CYGB: variants seen among roughly 807,000 people sequenced by gnomAD.
The protein encoded by CYGB is histoglobin.
A neutral mutation model predicts 20.7 loss-of-function variants in CYGB; 13 were observed. The observed-to-expected ratio is 0.63, with a 90% CI of 0.41 to 1.00. The LOEUF is 1.00. Ranked by LOEUF, CYGB falls within the 50% of genes least tolerant of loss-of-function variation. The pLI, the probability that CYGB is intolerant of heterozygous loss-of-function variation, is 0.00. For missense variants in CYGB, 218 were observed against 257.2 expected (o/e 0.85, Z 1.04); for synonymous variants, 93 against 107.4 (o/e 0.87, Z 0.83).
chr17:76,531,832 A>G lies in CYGB; in HGVS notation c.144-141T>C, dbSNP rs2074848679. ...CGTCACTGTTTTCACTACCATCAGT[A>G]GACCTCAGCATAGACCCTCCTCCCT... On this transcript the variant is annotated intron_variant, in intron 1 of 3. Transcript: ENST00000293230. The surrounding 1 kb of genome is among the most constrained non-coding windows in gnomAD (Gnocchi z 7.4). The G allele has an allele frequency of 4.4e-6, 3 of 684,036 alleles. No individual in the cohort carries two copies. Among genetic ancestry groups the G allele is most frequent in the Non-Finnish European group, 4.9e-6 (2 of 409,358 alleles). The allele number at this position is 684,036 out of a possible 1,614,324, so 42.4% of individuals were successfully genotyped here. A position where few individuals can be genotyped will look rare whatever the true frequency, so the allele number is the denominator to read the frequency against.
Position 76,531,215 on chromosome 17 carries a change from C to T in CYGB, c.376-73G>A, listed in dbSNP as rs1174707339. On this transcript the variant is annotated intron_variant, in intron 2 of 3. Coordinates refer to ENST00000293230, the MANE Select transcript of CYGB (RefSeq NM_134268.5). This position sits in a 1 kb window ranked among gnomAD's most constrained non-coding sequence, Gnocchi z 7.4. ...TCCTGCAACCCCCAGGCCCCTCCGC[C>T]CCACGTGTGGCCGAGAGGATCATTC... is the stretch of plus-strand genomic sequence containing the variant. The T allele has an allele frequency of 3.7e-5, 54 of 1,479,430 alleles. No homozygotes were observed. Among genetic ancestry groups the T allele is most frequent in the Non-Finnish European group, 4.6e-5 (50 of 1,082,052 alleles). 91.6% of individuals were successfully genotyped at this position (1,479,430 alleles called of 1,614,324 possible). A position where few individuals can be genotyped will look rare whatever the true frequency, so the allele number is the denominator to read the frequency against.
chr17:76,547,738 C>CAT (rs1168455819), intron 1 of CYGB, among the ~76,000 whole-genome samples: 1 of 150,744 alleles, frequency 6.6e-6, no homozygotes, highest in African/African-American at 2.5e-5. Flanking sequence ...CACACACACA[C>CAT]ATACACAAAC....
At position 76,528,140 on chromosome 17, in the gene CYGB, A is replaced by T. The variant is rs1037285685; in HGVS notation, c.*438T>A. ...TGTGTGTATATATATATGTATATAT[A>T]TATTTATATATAGCTCGTATATAGA... On this transcript the variant is annotated 3_prime_UTR_variant, in exon 4 of 4. Transcript: ENST00000293230. The surrounding 1 kb of genome is among the most constrained non-coding windows in gnomAD (Gnocchi z 5.8). The T allele has an allele frequency of 7.8e-5, 26 of 334,034 alleles. No individual in the cohort carries two copies. The highest frequency in any genetic ancestry group is 1.2e-4 in the Non-Finnish European group (23 of 189,544). 20.7% of individuals were successfully genotyped at this position (334,034 alleles called of 1,614,324 possible).
intron 1 of CYGB, 142 bp downstream of exon 1, chr17:76,537,258 C>T: frequency 2.1e-6 from 2 of 971,480 alleles, no homozygotes; most frequent in Non-Finnish European, 2.8e-6. Flanking sequence ...CGCCCCACGC[C>T]GCCTGCTCCG....
upstream of CYGB, chr17:76,542,403 A>G (rs1598213427): frequency 1.2e-5 from 11 of 890,310 alleles, no homozygotes; most frequent in East Asian, 9.8e-5. Context: ...CTCCAGTCAC[A>G]CTGTCCTAAA....
At chr17:76,534,027 G>C (rs2074880992) in intron 1 of CYGB, among the ~76,000 whole-genome samples, 1 of 152,168 alleles carries the variant, frequency 6.6e-6, no homozygotes, top group Admixed American at 6.5e-5. Context: ...GACAGAGCAA[G>C]ACCCTGACAA....
upstream of CYGB, among the ~76,000 whole-genome samples, chr17:76,541,051 C>T (rs1329405441): frequency 6.6e-6 from 1 of 152,214 alleles, no homozygotes; most frequent in Non-Finnish European, 1.5e-5. Flanking sequence ...GTGCCATTGG[C>T]TGGGCAGACC....
Position 76,546,471 on chromosome 17 carries a change from T to TGTGTGC in CYGB, c.-53+4390_-53+4391insGCACAC, listed in dbSNP as rs753998867. On this transcript the variant is annotated intron_variant, in intron 1 of 3. Transcript: ENST00000589145. The surrounding 1 kb of genome is among the most constrained non-coding windows in gnomAD (Gnocchi z 4.5). ...TGGTTTGTGTGTGTGTGTGTGTGTG[T>TGTGTGC]GCGCGCAGTCCTGGGCAAGGGCAAA... 4 of 151,082 alleles carry TGTGTGC rather than the reference T, an allele frequency of 2.6e-5. No individual in the cohort carries two copies. Among genetic ancestry groups the TGTGTGC allele is most frequent in the African/African-American group, 9.9e-5 (4 of 40,428 alleles). The allele number at this position is 151,082 out of a possible 1,614,324, so 9.4% of individuals were successfully genotyped here. A position where few individuals can be genotyped will look rare whatever the true frequency, so the allele number is the denominator to read the frequency against.
At position 76,546,771 on chromosome 17, in the gene CYGB, G is replaced by C. The variant is rs1480185659; in HGVS notation, c.-53+4091C>G. On this transcript the variant is annotated intron_variant, in intron 1 of 3. Transcript: ENST00000589145. This position sits in a 1 kb window ranked among gnomAD's most constrained non-coding sequence, Gnocchi z 4.5. ...TAATAACCACTAACATGCATTGGGC[G>C]CTTACTATGTGCTAGGCACTGTGCC... The C allele has an allele frequency of 6.6e-6, 1 of 152,228 alleles. No individual in the cohort carries two copies. The highest frequency in any genetic ancestry group is 1.5e-5 in the Non-Finnish European group (1 of 68,038). The allele number at this position is 152,228 out of a possible 1,614,324, so 9.4% of individuals were successfully genotyped here. A position where few individuals can be genotyped will look rare whatever the true frequency, so the allele number is the denominator to read the frequency against.
intron 3 of CYGB, chr17:76,529,006 G>T: frequency 1.0e-6 from 1 of 996,826 alleles, no homozygotes; most frequent in Non-Finnish European, 1.2e-6. Flanking sequence ...CTGTATTCTC[G>T]TATTCTCGGT....
In CYGB at chr17:76,528,890, G is replaced by GT; in HGVS notation, c.540-280dup. ...TGTGACATAAACTGGGTAAAAAAGT[G>GT]TTTCACAAACTGCAAAGCACGATAC... is the stretch of plus-strand genomic sequence containing the variant. On this transcript the variant is annotated intron_variant, in intron 3 of 3. Coordinates refer to ENST00000293230, the MANE Select transcript of CYGB (RefSeq NM_134268.5). This position sits in a 1 kb window ranked among gnomAD's most constrained non-coding sequence, Gnocchi z 5.8. The GT allele has an allele frequency of 8.3e-7, 1 of 1,210,548 alleles. No homozygotes were observed. The highest frequency in any genetic ancestry group is 4.3e-5 in the South Asian group (1 of 23,318). 75.0% of individuals were successfully genotyped at this position (1,210,548 alleles called of 1,614,324 possible).
chr17:76,544,309 G>A (rs1312494464), intron 1 of CYGB: 2 of 454,454 alleles, frequency 4.4e-6, no homozygotes, highest in South Asian at 1.6e-5. Context: ...GTAGAAGATG[G>A]AGTTCTCTAG....
chr17:76,538,165 G>T (rs1240873552), upstream of CYGB: 1 of 158,144 alleles, frequency 6.3e-6, no homozygotes, highest in Admixed American at 6.5e-5. Context: ...CGGCGAGGCC[G>T]ACCGCCAGCC....
chr17:76,534,508 C>T (rs573871522), intron 1 of CYGB, among the ~76,000 whole-genome samples: 12 of 152,258 alleles, frequency 7.9e-5, no homozygotes, highest in Non-Finnish European at 1.5e-4. Context: ...CACAGCTAAG[C>T]GGGTATTACC....
chr17:76,547,825 CACACACA>C (rs1250298502), intron 1 of CYGB, among the ~76,000 whole-genome samples: 1 of 140,524 alleles, frequency 7.1e-6, no homozygotes, highest in Non-Finnish European at 1.5e-5. Flanking sequence ...TTCACACACA[CACACACA>C]ACACACATTC....
In CYGB at chr17:76,528,731, T is replaced by A; in HGVS notation, c.540-120A>T. ...CTTCCTGCCAAGAGATCCGGCACAG[T>A]GCAGTTGAAAGCAACCGTGAGACCC... On this transcript the variant is annotated intron_variant, in intron 3 of 3. Transcript: ENST00000293230. The surrounding 1 kb of genome is among the most constrained non-coding windows in gnomAD (Gnocchi z 5.8). The A allele has an allele frequency of 9.1e-7, 1 of 1,092,958 alleles. No individual in the cohort carries two copies. The highest frequency in any genetic ancestry group is 4.7e-5 in the South Asian group (1 of 21,368). 67.7% of individuals were successfully genotyped at this position (1,092,958 alleles called of 1,614,324 possible).
Position 76,528,473 on chromosome 17 carries a change from T to G in CYGB, c.*105A>C. On this transcript the variant is annotated 3_prime_UTR_variant, in exon 4 of 4. Transcript: ENST00000293230. The surrounding 1 kb of genome is among the most constrained non-coding windows in gnomAD (Gnocchi z 5.8). ...TCCTTCGGGGAAGTTGAGTCAGGGA[T>G]TCCTCCAGCTTCCTTGGCACCCAGA... is the stretch of plus-strand genomic sequence containing the variant. 9.5e-7 allele frequency: 1 copy of G among 1,054,920 alleles called. No individual in the cohort carries two copies. The highest frequency in any genetic ancestry group is 1.2e-6 in the Non-Finnish European group (1 of 804,902). The allele number at this position is 1,054,920 out of a possible 1,614,324, so 65.3% of individuals were successfully genotyped here.
rs1346659365 is a variant in CYGB, at chr17:76,530,818, C to T, written c.539+161G>A. On this transcript the variant is annotated intron_variant, in intron 3 of 3. Transcript: ENST00000293230. This position sits in a 1 kb window ranked among gnomAD's most constrained non-coding sequence, Gnocchi z 6.1. Reference sequence around the variant, plus strand: ...AGGGGAGCCATCTTGAAGGCCTTTCCTATTATGCCTGTTCTTACATGTCAG... The same window carrying T: ...AGGGGAGCCATCTTGAAGGCCTTTCTTATTATGCCTGTTCTTACATGTCAG... Among the ~76,000 whole-genome samples, 1 of 151,998 alleles carries T rather than the reference C, an allele frequency of 6.6e-6. No homozygotes were observed. The highest frequency in any genetic ancestry group is 2.4e-5 in the African/African-American group (1 of 41,290).
chr17:76,548,054 A>C (rs1598218894), intron 1 of CYGB, among the ~76,000 whole-genome samples: 1 of 152,268 alleles, frequency 6.6e-6, no homozygotes, highest in East Asian at 1.9e-4. Flanking sequence ...ACATTCACAC[A>C]CATACACACA....
Sources: allele counts gnomAD v4.1 joint callset (sites outside exome capture counted in the v4.1 genomes callset), GRCh38; gene constraint gnomAD v4.1.1; non-coding constraint Gnocchi (gnomAD v3.1); transcripts MANE v1.5; gene names NCBI Gene and HGNC (gene_info 2026-07-23, HGNC 2026-07-21).